THSD7B: variants seen among roughly 807,000 people sequenced by gnomAD.
THSD7B encodes the protein thrombospondin type-1 domain-containing protein 7B.
A neutral mutation model predicts 213.6 loss-of-function variants in THSD7B; 138 were observed. The ratio of observed to expected loss-of-function variants is 0.65; its 90% CI spans 0.56 to 0.74. THSD7B has a LOEUF of 0.74. Ranked by LOEUF, THSD7B falls within the 30% of genes least tolerant of loss-of-function variation. The probability of loss-of-function intolerance (pLI) is 0.00; values close to 1 mark genes in which losing one functional copy is unlikely to be tolerated. For missense variants in THSD7B, 1,931 were observed against 1,991.5 expected (o/e 0.97, Z 0.58); for synonymous variants, 742 against 687.0 (o/e 1.08, Z -1.25).
intron 12 of THSD7B, among the ~76,000 whole-genome samples, chr2:137,322,320 C>A (rs181076894): frequency 8.5e-5 from 13 of 152,294 alleles, no homozygotes; most frequent in Admixed American, 8.5e-4. Flanking sequence ...TGCAATAACA[C>A]TTTCTCAGTA....
chr2:136,870,063 C>T (rs1683405905), intron 1 of THSD7B, among the ~76,000 whole-genome samples: 1 of 111,472 alleles, frequency 9.0e-6, no homozygotes, highest in Non-Finnish European at 1.8e-5. Context: ...AAGAGCGAGA[C>T]TCCGTCTCAA....
intron 12 of THSD7B, among the ~76,000 whole-genome samples, chr2:137,367,212 C>T (rs1251586922): frequency 6.6e-6 from 1 of 151,996 alleles, no homozygotes; most frequent in Non-Finnish European, 1.5e-5. Flanking sequence ...AGTAGAACAC[C>T]GTACAGATTA....
intron 15 of THSD7B, among the ~76,000 whole-genome samples, chr2:137,469,588 T>G (rs1242031370): frequency 1.3e-5 from 2 of 152,188 alleles, no homozygotes; most frequent in Non-Finnish European, 2.9e-5. Context: ...CTCCAGCAGA[T>G]GTTATAAAAG....
At chr2:137,130,089 G>T (rs1271699951) in intron 5 of THSD7B, among the ~76,000 whole-genome samples, 1 of 152,130 alleles carries the variant, frequency 6.6e-6, no homozygotes, top group African/African-American at 2.4e-5. Flanking sequence ...ATTGAGAGGG[G>T]ATTGCATTGG....
intron 10 of THSD7B, among the ~76,000 whole-genome samples, chr2:137,259,464 G>T (rs1682388882): frequency 6.6e-6 from 1 of 152,124 alleles, no homozygotes; most frequent in Non-Finnish European, 1.5e-5. Context: ...ATATATGTTT[G>T]TTGGCTGCAT....
At chr2:136,997,426 G>T (rs941480559) in intron 2 of THSD7B, among the ~76,000 whole-genome samples, 1 of 152,182 alleles carries the variant, frequency 6.6e-6, no homozygotes, top group African/African-American at 2.4e-5. Context: ...GCTTGATTTT[G>T]TATGGATACT....
chr2:137,549,614 A>G (rs1170370150), intron 15 of THSD7B, among the ~76,000 whole-genome samples: 2 of 152,052 alleles, frequency 1.3e-5, no homozygotes, highest in Admixed American at 6.6e-5. Context: ...GCACGGCATC[A>G]TACTGTAGGT....
At chr2:137,122,303 G>A (rs916676333) in intron 5 of THSD7B, among the ~76,000 whole-genome samples, 2 of 152,102 alleles carry the variant, frequency 1.3e-5, no homozygotes, top group Non-Finnish European at 2.9e-5. Flanking sequence ...AATGAAACAA[G>A]AACCTTAAGA....
intron 17 of THSD7B, among the ~76,000 whole-genome samples, chr2:137,577,397 C>T (rs1413623254): frequency 6.6e-6 from 1 of 152,040 alleles, no homozygotes; most frequent in African/African-American, 2.4e-5. Flanking sequence ...ATCATTCTTT[C>T]TTACACAGTC....
chr2:137,329,290 G>A (rs1172986070), intron 12 of THSD7B, among the ~76,000 whole-genome samples: 3 of 152,190 alleles, frequency 2.0e-5, no homozygotes, highest in Admixed American at 6.5e-5. Flanking sequence ...GAGACTGACA[G>A]CATATTGTCC....
rs552361267 is a variant in THSD7B at position 137,012,880 on chromosome 2, A to G, written c.140-43540A>G. Among the ~76,000 whole-genome samples, 11 of 152,350 alleles carry G rather than the reference A, an allele frequency of 7.2e-5. No homozygotes were observed. In the East Asian group the frequency reaches 2.1e-3, roughly 29 times the overall value. On this transcript the variant is annotated intron_variant, in intron 2 of 27. Transcript: ENST00000409968. ...TAGTAAAGCTAATTTTATTTTTTCC[A>G]AATATGTCTCTGGACAACTGGACAG...
At chr2:137,417,939 T>A (rs1030716869) in intron 14 of THSD7B, among the ~76,000 whole-genome samples, 1 of 152,176 alleles carries the variant, frequency 6.6e-6, no homozygotes, top group African/African-American at 2.4e-5. Flanking sequence ...GCCTAAATCC[T>A]TTACACCTTT....
intron 2 of THSD7B, among the ~76,000 whole-genome samples, chr2:137,039,438 C>G (rs1449721133): frequency 6.6e-6 from 1 of 152,188 alleles, no homozygotes; most frequent in Non-Finnish European, 1.5e-5. Flanking sequence ...GGTGATACTG[C>G]CATTTAAAGG....
chr2:136,781,008 TG>T (rs1352327681), intron 1 of THSD7B, among the ~76,000 whole-genome samples: 1 of 151,472 alleles, frequency 6.6e-6, no homozygotes, highest in Non-Finnish European at 1.5e-5. Flanking sequence ...ATGTGTAAAA[TG>T]CTTCATGCAA....
intron 12 of THSD7B, among the ~76,000 whole-genome samples, chr2:137,316,772 A>G (rs1030264297): frequency 4.0e-5 from 6 of 150,966 alleles, no homozygotes; most frequent in Non-Finnish European, 8.8e-5. Flanking sequence ...AAAAAAAAGA[A>G]AAAGAAAAAA....
chr2:137,313,104 G>C (rs1297537632), intron 12 of THSD7B, among the ~76,000 whole-genome samples: 3 of 151,836 alleles, frequency 2.0e-5, no homozygotes, highest in Non-Finnish European at 2.9e-5. Context: ...GTTGACAGTG[G>C]GGTGTTAAAG....
intron 12 of THSD7B, among the ~76,000 whole-genome samples, chr2:137,328,687 A>G (rs992756099): frequency 2.0e-5 from 3 of 152,220 alleles, no homozygotes; most frequent in Non-Finnish European, 4.4e-5. Flanking sequence ...CTTGAATTGT[A>G]GTTCCCATAA....
chr2:137,169,428 A>G (rs1417071364), intron 6 of THSD7B, among the ~76,000 whole-genome samples: 3 of 151,534 alleles, frequency 2.0e-5, no homozygotes, highest in Admixed American at 2.0e-4. Context: ...CTATACCTTG[A>G]GGTGTGTAAC....
At chr2:136,922,006 T>C (rs1434879276) in intron 2 of THSD7B, among the ~76,000 whole-genome samples, 1 of 152,202 alleles carries the variant, frequency 6.6e-6, no homozygotes, top group Non-Finnish European at 1.5e-5. Context: ...TCAGGTATGC[T>C]TTTGTAAACA....
Sources: gnomAD v4.1 joint callset for allele counts (sites outside exome capture counted in the v4.1 genomes callset) on GRCh38, gnomAD v4.1.1 for gene constraint, MANE v1.5 for transcripts, NCBI Gene and HGNC (gene_info 2026-07-23, HGNC 2026-07-21) for gene names.